Variants in CLEC12A observed in about 807,000 individuals in gnomAD.
CLEC12A encodes C-type lectin domain family 12 member A.
CLEC12A carries 22 observed loss-of-function variants against 26.5 expected under a neutral mutation model. The ratio of observed to expected loss-of-function variants is 0.83; its 90% confidence interval spans 0.59 to 1.19. The LOEUF (loss-of-function observed/expected upper bound fraction) is 1.19, where lower values mean the gene tolerates loss of function less well. Among genes scored for constraint, CLEC12A ranks in the 50% most tolerant of loss-of-function variants. The pLI is 0.00. For missense variants in CLEC12A, 353 were observed against 315.6 expected (o/e 1.12, Z -0.90); for synonymous variants, 119 against 101.9 (o/e 1.17, Z -1.01).
chr12:9,977,522 A>G (rs1487853633), intron 1 of CLEC12A, among the ~76,000 whole-genome samples: 2 of 152,200 alleles, frequency 1.3e-5, no homozygotes, highest in African/African-American at 2.4e-5. Flanking sequence ...TTCAAATAGA[A>G]ATCTTTTCCT....
chr12:10,005,432 C>T, the CLEC12A span, among the ~76,000 whole-genome samples: 1 of 152,170 alleles, frequency 6.6e-6, no homozygotes, highest in Non-Finnish European at 1.5e-5. Flanking sequence ...AGGTTTCTTC[C>T]ATTTTTAATA....
chr12:9,987,735 T>C (rs1217629048), downstream of CLEC12A, among the ~76,000 whole-genome samples: 3 of 152,140 alleles, frequency 2.0e-5, no homozygotes, highest in African/African-American at 7.2e-5. Context: ...TGTTAACCTG[T>C]ATGTTTTTGT....
intron 5 of CLEC12A, chr12:9,983,724 AT>A: frequency 2.1e-6 from 1 of 477,016 alleles, no homozygotes; most frequent in South Asian, 3.7e-5. Context: ...GGCAAATAGA[AT>A]TTTTTGTTTT....
chr12:9,989,283 C>T (rs1336558603), downstream of CLEC12A, among the ~76,000 whole-genome samples: 1 of 151,692 alleles, frequency 6.6e-6, no homozygotes, highest in Admixed American at 6.6e-5. Flanking sequence ...TTAATGGGTG[C>T]AGCACACCAA....
intron 1 of CLEC12A, among the ~76,000 whole-genome samples, chr12:9,961,734 A>T (rs1045971186): frequency 1.3e-5 from 2 of 152,152 alleles, no homozygotes; most frequent in African/African-American, 4.8e-5. Flanking sequence ...AAAAATTATG[A>T]GACAACCTAA....
intron 1 of CLEC12A, among the ~76,000 whole-genome samples, chr12:9,965,932 C>A (rs535350920): frequency 6.6e-6 from 1 of 151,698 alleles, no homozygotes; most frequent in African/African-American, 2.4e-5. Context: ...TGGGGAGATA[C>A]AAGGGGAGGA....
chr12:9,967,982 G>A (rs1003495208), upstream of CLEC12A, among the ~76,000 whole-genome samples: 2 of 152,112 alleles, frequency 1.3e-5, no homozygotes, highest in Non-Finnish European at 2.9e-5. Context: ...TGAATAAAAC[G>A]CGTCTCCTTC....
chr12:9,968,784 G>A (rs1283622113), upstream of CLEC12A, among the ~76,000 whole-genome samples: 1 of 152,128 alleles, frequency 6.6e-6, no homozygotes, highest in Non-Finnish European at 1.5e-5. Flanking sequence ...TTTGCAGATT[G>A]TCTCTTAGTA....
chr12:9,996,984 G>A (rs769357715), downstream of CLEC12A: 1 of 1,613,986 alleles, frequency 6.2e-7, no homozygotes, highest in Non-Finnish European at 8.5e-7. Context: ...TGTCACAGGG[G>A]CTGCATTTAT....
chr12:9,973,307 A>ATT (rs1300640247), intron 1 of CLEC12A, among the ~76,000 whole-genome samples: 2 of 151,632 alleles, frequency 1.3e-5, no homozygotes, highest in African/African-American at 4.9e-5. Flanking sequence ...TAAAAAAAAA[A>ATT]TTTTTTTAAT....
At chr12:9,998,158 C>T (rs985657393), downstream of CLEC12A, 16 of 718,424 alleles carry the variant, frequency 2.2e-5, no homozygotes, top group African/African-American at 2.8e-4. Context: ...TGGCAACTAT[C>T]TGTAGGACAA....
the CLEC12A span, among the ~76,000 whole-genome samples, chr12:10,005,633 A>T: frequency 2.1e-4 from 32 of 152,228 alleles, no homozygotes; most frequent in Non-Finnish European, 5.9e-5. Context: ...CCAGGATTTG[A>T]ATCAATTTGT....
downstream of CLEC12A, among the ~76,000 whole-genome samples, chr12:9,990,106 T>C (rs1358389676): frequency 6.6e-6 from 1 of 152,180 alleles, no homozygotes; most frequent in Non-Finnish European, 1.5e-5. Flanking sequence ...CAAGAGCTCT[T>C]ATAGACATGT....
At chr12:9,991,660 A>G (rs1864895575) in intron 4 of CLEC12A, 2 of 152,158 alleles carry the variant, frequency 1.3e-5, no homozygotes, top group Non-Finnish European at 2.9e-5. Context: ...TAGAAAAAAG[A>G]TAAAGATTCA....
intron 4 of CLEC12A, chr12:9,993,119 T>C (rs1223181375): frequency 6.3e-7 from 1 of 1,599,494 alleles, no homozygotes; most frequent in Non-Finnish European, 8.6e-7. Flanking sequence ...CCCTTATCTG[T>C]GTTATCCTGT....
downstream of CLEC12A, among the ~76,000 whole-genome samples, chr12:9,998,547 G>T: frequency 7.7e-6 from 1 of 129,428 alleles, no homozygotes; most frequent in Non-Finnish European, 1.7e-5. Context: ...CAATAGGCAT[G>T]GCCCACCCCT....
intron 1 of CLEC12A, among the ~76,000 whole-genome samples, chr12:9,975,566 G>A (rs1357762532): frequency 1.3e-5 from 2 of 152,182 alleles, no homozygotes. Context: ...CTCGGGTGCT[G>A]TTAAAAGCAT....
chr12:9,974,693 GTCTT>G (rs1255593077), intron 1 of CLEC12A, among the ~76,000 whole-genome samples: 1 of 152,082 alleles, frequency 6.6e-6, no homozygotes, highest in African/African-American at 2.4e-5. Context: ...ATACTTTGCA[GTCTT>G]TCTGTCTCCC....
downstream of CLEC12A, chr12:9,997,050 C>G (rs1295780165): frequency 6.2e-7 from 1 of 1,610,510 alleles, no homozygotes; most frequent in Admixed American, 1.7e-5. Context: ...ATTGGGCTTA[C>G]ATTTTCTTCA....
Sources: gnomAD v4.1 joint callset for allele counts (sites outside exome capture counted in the v4.1 genomes callset) on GRCh38, gnomAD v4.1.1 for gene constraint, MANE v1.5 for transcripts, NCBI Gene and HGNC (gene_info 2026-07-23, HGNC 2026-07-21) for gene names.